Variants in CTNNA3 observed in about 807,000 individuals in gnomAD.
CTNNA3 encodes catenin alpha-3.
CTNNA3 carries 76 observed loss-of-function variants against 95.7 expected under a neutral mutation model. That is an observed-to-expected ratio of 0.79 (90% CI 0.66 to 0.96). The LOEUF (loss-of-function observed/expected upper bound fraction) is 0.96. Among genes scored for constraint, CTNNA3 ranks in the 40% least tolerant of loss-of-function variants. CTNNA3 has a pLI of 0.00. For synonymous variants in CTNNA3, 431 were observed against 374.4 expected (o/e 1.15, Z -1.74); for missense variants, 1,191 against 1,089.8 (o/e 1.09, Z -1.31).
chr10:66,970,513 T>G, intron 7 of CTNNA3, among the ~76,000 whole-genome samples: 1 of 143,116 alleles, frequency 7.0e-6, no homozygotes, highest in South Asian at 2.4e-4. Flanking sequence ...GGGGGGGGGA[T>G]ACAATTCTTC....
At chr10:67,492,246 A>G (rs1185826626) in intron 5 of CTNNA3, among the ~76,000 whole-genome samples, 1 of 151,288 alleles carries the variant, frequency 6.6e-6, no homozygotes, top group Non-Finnish European at 1.5e-5. Flanking sequence ...AAATTGGGAG[A>G]AAAAAAAAGA....
chr10:66,002,400 G>C (rs1589235744), intron 15 of CTNNA3, among the ~76,000 whole-genome samples: 1 of 152,058 alleles, frequency 6.6e-6, no homozygotes. Context: ...AGAACTTTTG[G>C]GATTCAAGTC....
At chr10:66,596,480 T>C (rs1032925861) in intron 10 of CTNNA3, among the ~76,000 whole-genome samples, 3 of 152,164 alleles carry the variant, frequency 2.0e-5, no homozygotes, top group Admixed American at 6.5e-5. Flanking sequence ...GGAGTCATAC[T>C]ATATTAAACA....
chr10:67,497,655 G>A (rs1201026388), intron 5 of CTNNA3, among the ~76,000 whole-genome samples: 1 of 152,156 alleles, frequency 6.6e-6, no homozygotes, highest in African/African-American at 2.4e-5. Flanking sequence ...TCTCATTGTG[G>A]TTTTGATTTG....
intron 5 of CTNNA3, among the ~76,000 whole-genome samples, chr10:67,362,526 T>G (rs1160966967): frequency 1.3e-5 from 2 of 152,084 alleles, no homozygotes; most frequent in Non-Finnish European, 2.9e-5. Context: ...CAAAACCATA[T>G]ATCATCTTAA....
chr10:67,255,313 TA>T (rs1166685862), intron 5 of CTNNA3, among the ~76,000 whole-genome samples: 6 of 151,762 alleles, frequency 4.0e-5, no homozygotes, highest in Admixed American at 2.0e-4. Flanking sequence ...AATAAATAAA[TA>T]AATAAATTAA....
At chr10:66,864,163 A>T (rs908537422) in intron 7 of CTNNA3, among the ~76,000 whole-genome samples, 1 of 152,170 alleles carries the variant, frequency 6.6e-6, no homozygotes, top group Admixed American at 6.5e-5. Context: ...TTTCCCAAAG[A>T]TCATGTGTTG....
chr10:66,089,946 T>C (rs1368703271), intron 14 of CTNNA3, among the ~76,000 whole-genome samples: 2 of 152,016 alleles, frequency 1.3e-5, no homozygotes, highest in African/African-American at 4.8e-5. Context: ...TTTTTCCTTA[T>C]AACACCATTT....
In CTNNA3 at chr10:66,169,488, G is replaced by A. The variant is rs71492493; in HGVS notation, c.1885-66239C>T. On this transcript the variant is annotated intron_variant, in intron 13 of 17. Coordinates refer to ENST00000433211, the MANE Select transcript of CTNNA3 (RefSeq NM_013266.4). ...ATATTGTAATGCTATAAACATGCGTGTGCAAGTATCTTTTTCATGTAATGG... is the reference window on the plus strand; with the variant it reads ...ATATTGTAATGCTATAAACATGCGTATGCAAGTATCTTTTTCATGTAATGG... 4.9e-3 allele frequency among the ~76,000 whole-genome samples: 741 copies of A among 152,248 alleles called. 5 individuals carry two copies. The highest frequency in any genetic ancestry group is 7.7e-3 in the Non-Finnish European group (526 of 68,012).
chr10:67,334,346 C>T (rs1168573234), intron 5 of CTNNA3: 1 of 153,586 alleles, frequency 6.5e-6, no homozygotes, highest in African/African-American at 2.4e-5. Flanking sequence ...GAAAGTGCCT[C>T]CTGCAATTAA....
chr10:67,632,385 G>A (rs899881212), intron 2 of CTNNA3, among the ~76,000 whole-genome samples: 3 of 151,688 alleles, frequency 2.0e-5, no homozygotes, highest in Non-Finnish European at 2.9e-5. Context: ...CCCCAACCTC[G>A]CTGCCGGCAC....
intron 7 of CTNNA3, among the ~76,000 whole-genome samples, chr10:66,977,167 G>A (rs545057928): frequency 4.6e-5 from 7 of 152,218 alleles, no homozygotes; most frequent in East Asian, 1.9e-4. Flanking sequence ...GGCCGGGCAC[G>A]GTGGCTTACA....
intron 17 of CTNNA3, among the ~76,000 whole-genome samples, chr10:65,954,373 A>G (rs1198292910): frequency 6.6e-6 from 1 of 152,198 alleles, no homozygotes; most frequent in Non-Finnish European, 1.5e-5. Context: ...TTTGCTGTGC[A>G]GAAGCTCTTT....
intron 9 of CTNNA3, among the ~76,000 whole-genome samples, chr10:66,658,512 A>G (rs1846146374): frequency 3.3e-5 from 5 of 152,188 alleles, no homozygotes; most frequent in Admixed American, 3.3e-4. Flanking sequence ...AATATAAGAG[A>G]GGAGGTCAAT....
intron 4 of CTNNA3, among the ~76,000 whole-genome samples, chr10:67,524,395 C>CAGA (rs1840078039): frequency 4.3e-5 from 3 of 70,306 alleles, no homozygotes; most frequent in Non-Finnish European, 6.5e-5. Flanking sequence ...GACTCTGTCT[C>CAGA]AAAAAAAAAA....
chr10:66,220,171 C>G lies in CTNNA3; in HGVS notation c.1884+60299G>C, dbSNP rs111530551. 2.0e-3 allele frequency among the ~76,000 whole-genome samples: 310 copies of G among 152,204 alleles called. 2 individuals are homozygous for G. The highest frequency in any genetic ancestry group is 7.3e-3 in the African/African-American group (302 of 41,520). On this transcript the variant is annotated intron_variant, in intron 13 of 17. Transcript: ENST00000433211. ...ATAAAGATATCCACAAACACAGAAA[C>G]ATGGGTAAGATTTATCTGACACAGA... is the stretch of plus-strand genomic sequence containing the variant.
At chr10:66,014,288 C>T (rs1045185576) in intron 15 of CTNNA3, among the ~76,000 whole-genome samples, 3 of 151,998 alleles carry the variant, frequency 2.0e-5, no homozygotes, top group African/African-American at 7.3e-5. Context: ...ATAGTAGAAG[C>T]CTGCAAGAAG....
At chr10:67,762,344 G>T (rs1460163216) in intron 1 of CTNNA3, among the ~76,000 whole-genome samples, 1 of 148,502 alleles carries the variant, frequency 6.7e-6, no homozygotes, top group Non-Finnish European at 1.5e-5. Context: ...CTTTATAATC[G>T]ATCATTTTCC....
chr10:66,580,037 G>A (rs1427676303), intron 10 of CTNNA3, among the ~76,000 whole-genome samples: 2 of 151,612 alleles, frequency 1.3e-5, no homozygotes, highest in Non-Finnish European at 3.0e-5. Flanking sequence ...TTTCTTTAAA[G>A]TCTATTTTGT....
Sources: gnomAD v4.1 joint callset for allele counts (sites outside exome capture counted in the v4.1 genomes callset) on GRCh38, gnomAD v4.1.1 for gene constraint, MANE v1.5 for transcripts, NCBI Gene and HGNC (gene_info 2026-07-23, HGNC 2026-07-21) for gene names.